PCDHA12: variants seen among roughly 807,000 people sequenced by gnomAD.
PCDHA12 encodes protocadherin alpha-12.
PCDHA12 carries 44 observed loss-of-function variants against 60.0 expected under a neutral mutation model. The observed-to-expected ratio is 0.73, with a 90% confidence interval of 0.58 to 0.94. The LOEUF is 0.94. PCDHA12 is among the 40% of genes least tolerant of loss of function. The pLI is 0.00. For missense variants in PCDHA12, 1,276 were observed against 1,239.7 expected (o/e 1.03, Z -0.44); for synonymous variants, 569 against 553.0 (o/e 1.03, Z -0.40).
chr5:140,947,103 G>A (rs1355984234), intron 1 of PCDHA12, among the ~76,000 whole-genome samples: 1 of 151,176 alleles, frequency 6.6e-6, no homozygotes, highest in Admixed American at 6.6e-5. Flanking sequence ...CCATAAATAG[G>A]TACGTGTCAA....
chr5:140,884,534 C>T (rs781847666), intron 1 of PCDHA12: 3 of 1,614,180 alleles, frequency 1.9e-6, no homozygotes, highest in Admixed American at 3.3e-5. Context: ...GCAGAGGCGG[C>T]CGAGGGTGTG....
chr5:140,905,396 C>T (rs913640299), intron 1 of PCDHA12, among the ~76,000 whole-genome samples: 1 of 152,080 alleles, frequency 6.6e-6, no homozygotes, highest in Non-Finnish European at 1.5e-5. Flanking sequence ...GGTCTGTGTG[C>T]CTATTTTTAT....
chr5:140,968,363 G>T (rs1448494733), intron 1 of PCDHA12: 1 of 1,614,090 alleles, frequency 6.2e-7, no homozygotes, highest in East Asian at 2.2e-5. Context: ...CAGCCTTTAT[G>T]CTGTCAACTC....
At chr5:140,958,692 T>C (rs2095438296) in intron 1 of PCDHA12, among the ~76,000 whole-genome samples, 2 of 152,190 alleles carry the variant, frequency 1.3e-5, no homozygotes, top group African/African-American at 4.8e-5. Flanking sequence ...TTGAATATCC[T>C]AGAGTGACAA....
chr5:140,921,511 C>T (rs1163280621), intron 1 of PCDHA12, among the ~76,000 whole-genome samples: 1 of 152,062 alleles, frequency 6.6e-6, no homozygotes, highest in Non-Finnish European at 1.5e-5. Context: ...TAGTGCCTAA[C>T]CTGAAATAAA....
At chr5:140,957,386 T>C (rs1461790676) in intron 1 of PCDHA12, among the ~76,000 whole-genome samples, 1 of 152,226 alleles carries the variant, frequency 6.6e-6, no homozygotes, top group Non-Finnish European at 1.5e-5. Context: ...TGTATTGTTA[T>C]AATTGTCCTA....
chr5:140,941,960 A>G (rs569784391), intron 1 of PCDHA12, among the ~76,000 whole-genome samples: 6 of 152,354 alleles, frequency 3.9e-5, no homozygotes, highest in African/African-American at 1.4e-4. Flanking sequence ...AAACAATAGT[A>G]TCTTTACTTT....
chr5:141,000,421 A>AT lies in PCDHA12; in HGVS notation c.2516-9183dup, dbSNP rs34755515. Reference sequence around the variant, plus strand: ...TATATATATATATATATATATATATATTTTTTTTTTTTTTTTTTTTTTTGA... The same window carrying AT: ...TATATATATATATATATATATATATATTTTTTTTTTTTTTTTTTTTTTTTGA... On this transcript the variant is annotated intron_variant, in intron 3 of 3. Transcript: ENST00000398631. 8.6e-3 allele frequency among the ~76,000 whole-genome samples: 241 copies of AT among 27,996 alleles called. 11 individuals carry two copies. The highest frequency in any genetic ancestry group is 9.4e-3 in the African/African-American group (53 of 5,644). The allele number at this position is 27,996 out of a possible 152,430, so 18.4% of individuals were successfully genotyped here.
chr5:140,944,569 G>A (rs2093670092), intron 1 of PCDHA12, among the ~76,000 whole-genome samples: 1 of 152,158 alleles, frequency 6.6e-6, no homozygotes, highest in African/African-American at 2.4e-5. Context: ...GCAACTTACT[G>A]TAGAGATCAC....
chr5:140,985,346 A>G (rs2097147411), intron 3 of PCDHA12, among the ~76,000 whole-genome samples: 1 of 152,186 alleles, frequency 6.6e-6, no homozygotes, highest in African/African-American at 2.4e-5. Flanking sequence ...GCAGGCCCAG[A>G]TATAGACCCT....
At chr5:140,978,856 A>G (rs2096826512) in intron 1 of PCDHA12, 93 bp from the exon 2 acceptor site, 1 of 1,589,052 alleles carries the variant, frequency 6.3e-7, no homozygotes, top group Non-Finnish European at 8.6e-7. Flanking sequence ...AGATGCCTGG[A>G]AATATTTAAG....
At chr5:141,000,210 A>G (rs1475631796) in intron 3 of PCDHA12, among the ~76,000 whole-genome samples, 3 of 151,622 alleles carry the variant, frequency 2.0e-5, no homozygotes, top group Non-Finnish European at 2.9e-5. Context: ...CACCTTCATT[A>G]TCAAATGCCT....
In PCDHA12 at chr5:140,884,542, G is replaced by T. The variant is rs1554181706; in HGVS notation, c.2367+6703G>T. 1.9e-6 allele frequency: 3 copies of T among 1,614,126 alleles called. No individual in the cohort carries two copies. In the Admixed American group the frequency reaches 5.0e-5, roughly 27 times the overall value. ...ACTCGCAGCAGAGGCGGCCGAGGGT[G>T]TGCTCTGGGGAGGGCCCGCATAAGA... On this transcript the variant is annotated intron_variant, in intron 1 of 3. Transcript: ENST00000398631.
Position 140,883,541 on chromosome 5 carries a change from G to T in PCDHA12, c.2367+5702G>T, listed in dbSNP as rs781952906. On this transcript the variant is annotated intron_variant, in intron 1 of 3. Coordinates refer to ENST00000398631, the MANE Select transcript of PCDHA12 (RefSeq NM_018903.4). Reference sequence around the variant, plus strand: ...GAGCGTATCAGCCTATGAACTGGTGGTGACCGCGCGGGACGGGGGCTCGCC... The same window carrying T: ...GAGCGTATCAGCCTATGAACTGGTGTTGACCGCGCGGGACGGGGGCTCGCC... 4.3e-6 allele frequency: 7 copies of T among 1,614,116 alleles called. No individual in the cohort carries two copies. In the East Asian group the frequency reaches 1.1e-4, roughly 26 times the overall value.
intron 1 of PCDHA12, among the ~76,000 whole-genome samples, chr5:140,945,037 T>C (rs2093728945): frequency 6.6e-6 from 1 of 152,178 alleles, no homozygotes; most frequent in Non-Finnish European, 1.5e-5. Context: ...TAATTATCTT[T>C]GGTCTTATAT....
intron 3 of PCDHA12, among the ~76,000 whole-genome samples, chr5:141,000,180 T>G (rs2153962126): frequency 6.6e-6 from 1 of 151,688 alleles, no homozygotes; most frequent in South Asian, 2.1e-4. Flanking sequence ...AGCCAAGGAG[T>G]CAATGTGAGA....
rs182063339 is a variant in PCDHA12 at position 140,937,439 on chromosome 5, T to C, written c.2368-41510T>C. Among the ~76,000 whole-genome samples, 830 of 152,312 alleles carry C rather than the reference T, an allele frequency of 5.4e-3. 3 individuals are homozygous for C. The highest frequency in any genetic ancestry group is 0.019 in the African/African-American group (799 of 41,586). Reference sequence around the variant, plus strand: ...TAGATAGCTGATATTTTAATGCTATTTTAAAAGTTTAATTTTATAATACAA... The same window carrying C: ...TAGATAGCTGATATTTTAATGCTATCTTAAAAGTTTAATTTTATAATACAA... On this transcript the variant is annotated intron_variant, in intron 1 of 3. Coordinates refer to ENST00000398631, the MANE Select transcript of PCDHA12 (RefSeq NM_018903.4).
At chr5:140,884,252 A>T (rs782059444) in intron 1 of PCDHA12, 36 of 1,613,334 alleles carry the variant, frequency 2.2e-5, no homozygotes, top group Non-Finnish European at 2.9e-5. Context: ...GCTGACGGCC[A>T]CGGCAACGGT....
intron 1 of PCDHA12, among the ~76,000 whole-genome samples, chr5:140,886,712 G>A (rs950364984): frequency 1.3e-5 from 2 of 151,798 alleles, no homozygotes; most frequent in Middle Eastern, 3.4e-3. Flanking sequence ...TGTAATCCCA[G>A]CTACTTGGGA....
Sources: gnomAD v4.1 joint callset for allele counts (sites outside exome capture counted in the v4.1 genomes callset) on GRCh38, gnomAD v4.1.1 for gene constraint, MANE v1.5 for transcripts, NCBI Gene and HGNC (gene_info 2026-07-23, HGNC 2026-07-21) for gene names.